PTPRM: variants seen among roughly 807,000 people sequenced by gnomAD.
PTPRM encodes the protein receptor-type tyrosine-protein phosphatase mu.
In PTPRM, 47 loss-of-function variants were observed where a neutral mutation model predicts 186.7. The observed-to-expected ratio is 0.25, with a 90% CI of 0.20 to 0.32. PTPRM has a LOEUF of 0.32. PTPRM is among the 10% of genes least tolerant of loss of function. The pLI, the probability that PTPRM is intolerant of heterozygous loss-of-function variation, is 1.00. For missense variants in PTPRM, 1,494 were observed against 1,865.0 expected, an observed-to-expected ratio of 0.80 and a Z score of 3.66; for synonymous variants, 668 against 674.9, an observed-to-expected ratio of 0.99 and a Z score of 0.16.
chr18:7,608,129 G>T (rs900527098), intron 1 of PTPRM, among the ~76,000 whole-genome samples: 1 of 152,198 alleles, frequency 6.6e-6, no homozygotes, highest in Non-Finnish European at 1.5e-5. Context: ...CACATCAAAG[G>T]AACGAACAAC....
intron 7 of PTPRM, among the ~76,000 whole-genome samples, chr18:7,983,219 G>A (rs1008064776): frequency 1.3e-5 from 2 of 151,994 alleles, no homozygotes; most frequent in Admixed American, 6.6e-5. Flanking sequence ...GATCAGCAGC[G>A]GCCATTAGAT....
Position 8,244,071 on chromosome 18 carries a change from A to G in PTPRM, c.2314A>G (p.Lys772Glu). ...CTTTATCCTAAGGAAACTGGCCAAG[A>G]AGCGGAAAGAGACCATGAGCAGCAC... ...LVMKKRKLAKKRKETMSSTRQ... is the reference protein window; with the variant it reads ...LVMKKRKLAKERKETMSSTRQ... The change falls in exon 15 of 33, where the codon AAG becomes GAG. Residue 772 changes from lysine to glutamate, a missense_variant. Transcript: ENST00000580170. 6.2e-7 allele frequency: 1 copy of G among 1,608,978 alleles called. No individual in the cohort carries two copies. Among genetic ancestry groups the G allele is most frequent in the South Asian group, 1.1e-5 (1 of 89,676 alleles).
chr18:8,044,408 G>A (rs976148318), intron 7 of PTPRM, among the ~76,000 whole-genome samples: 1 of 152,306 alleles, frequency 6.6e-6, no homozygotes, highest in Non-Finnish European at 1.5e-5. Flanking sequence ...GGATCATCTA[G>A]TGAATGGAGG....
intron 14 of PTPRM, among the ~76,000 whole-genome samples, chr18:8,181,554 C>T (rs1432292709): frequency 1.3e-5 from 2 of 152,232 alleles, no homozygotes; most frequent in Admixed American, 1.3e-4. Flanking sequence ...ACGGACCAAA[C>T]AAATGACCAA....
chr18:8,252,291 A>G (rs2094534930), intron 17 of PTPRM, among the ~76,000 whole-genome samples, 197 bp from the exon 18 acceptor site: 1 of 152,252 alleles, frequency 6.6e-6, no homozygotes. Context: ...GTTATGGAGT[A>G]CTTAAATTCA....
chr18:8,138,997 T>C (rs1474397122), intron 13 of PTPRM, among the ~76,000 whole-genome samples: 1 of 152,142 alleles, frequency 6.6e-6, no homozygotes, highest in Non-Finnish European at 1.5e-5. Flanking sequence ...ACTTCCTAAG[T>C]GTCCCCCGGC....
At chr18:7,648,149 C>A (rs1300750207) in intron 1 of PTPRM, among the ~76,000 whole-genome samples, 1 of 152,032 alleles carries the variant, frequency 6.6e-6, no homozygotes, top group Non-Finnish European at 1.5e-5. Flanking sequence ...TTACGGTGAT[C>A]TGTGATTAGT....
intron 2 of PTPRM, among the ~76,000 whole-genome samples, chr18:7,794,916 G>A (rs1420026244): frequency 6.6e-6 from 1 of 152,172 alleles, no homozygotes; most frequent in Middle Eastern, 3.2e-3. Context: ...AGTTGTGGCT[G>A]TCAGCTCCCT....
intron 7 of PTPRM, among the ~76,000 whole-genome samples, chr18:7,989,984 A>G (rs934845915): frequency 2.6e-5 from 4 of 151,910 alleles, no homozygotes; most frequent in Admixed American, 1.3e-4. Flanking sequence ...GCTCACTGTA[A>G]CCTCCGCCTC....
intron 1 of PTPRM, among the ~76,000 whole-genome samples, chr18:7,570,526 A>G (rs1000540333): frequency 1.3e-5 from 2 of 152,226 alleles, no homozygotes; most frequent in African/African-American, 4.8e-5. Context: ...GAGAATCTTG[A>G]TCATTTGCAC....
At chr18:7,738,826 A>G (rs1043875247) in intron 1 of PTPRM, among the ~76,000 whole-genome samples, 1 of 152,152 alleles carries the variant, frequency 6.6e-6, no homozygotes, top group African/African-American at 2.4e-5. Flanking sequence ...CTGTTGGCCA[A>G]TGCCGGCTGC....
chr18:7,985,897 G>A (rs1175861898), intron 7 of PTPRM, among the ~76,000 whole-genome samples: 3 of 152,012 alleles, frequency 2.0e-5, no homozygotes, highest in African/African-American at 7.3e-5. Context: ...CAGGGGATAG[G>A]TGGACTCTAG....
Position 8,394,600 on chromosome 18 carries a change from G to A in PTPRM, c.4333G>A (p.Val1445Ile), listed in dbSNP as rs1240253876. 6.2e-7 allele frequency: 1 copy of A among 1,610,168 alleles called. No individual in the cohort carries two copies. Among genetic ancestry groups the A allele is most frequent in the Admixed American group, 1.7e-5 (1 of 59,624 alleles). ...ACTGAGGAACAACAAGCCCAACATG[G>A]TCGACCTCCTGGTAGGACACCCCCT... Reference protein sequence around the residue: ...KTLRNNKPNMVDLLDQYKFCY... With the variant: ...KTLRNNKPNMIDLLDQYKFCY... Residue 1445 changes from valine to isoleucine, a missense_variant, in exon 32 of 33, where the codon GTC (valine) becomes ATC (isoleucine). Physicochemically the swap from Val to Ile is conservative, Grantham distance 29 (BLOSUM62 3). Coordinates refer to ENST00000580170, the MANE Select transcript of PTPRM (RefSeq NM_001105244.2).
intron 22 of PTPRM, among the ~76,000 whole-genome samples, chr18:8,338,416 A>G (rs2095453518): frequency 6.6e-6 from 1 of 151,144 alleles, no homozygotes; most frequent in African/African-American, 2.4e-5. Flanking sequence ...TGTGGTTAAT[A>G]TGGGTTCTCT....
chr18:8,137,661 A>C (rs2092668172), intron 13 of PTPRM, among the ~76,000 whole-genome samples: 3 of 152,128 alleles, frequency 2.0e-5, no homozygotes, highest in Admixed American at 6.5e-5. Flanking sequence ...ATAAAGCCTC[A>C]GTTCCAAATC....
At chr18:7,828,035 C>T (rs760646116) in intron 2 of PTPRM, among the ~76,000 whole-genome samples, 9 of 151,962 alleles carry the variant, frequency 5.9e-5, no homozygotes, top group Non-Finnish European at 8.8e-5. Flanking sequence ...GCTGATAATC[C>T]GAATCATTTG....
chr18:7,697,590 G>C (rs1290096983), intron 1 of PTPRM, among the ~76,000 whole-genome samples: 1 of 152,348 alleles, frequency 6.6e-6, no homozygotes, highest in East Asian at 1.9e-4. Context: ...TTCCTTAGAA[G>C]ACATCTCAAT....
intron 7 of PTPRM, among the ~76,000 whole-genome samples, chr18:8,028,073 G>A (rs541807933): frequency 6.6e-6 from 1 of 152,224 alleles, no homozygotes; most frequent in African/African-American, 2.4e-5. Flanking sequence ...AACAATCTGG[G>A]TTCACAACAA....
At chr18:7,896,765 C>T (rs2049382556) in intron 3 of PTPRM, among the ~76,000 whole-genome samples, 1 of 152,186 alleles carries the variant, frequency 6.6e-6, no homozygotes, top group Non-Finnish European at 1.5e-5. Flanking sequence ...CTCAAAGGAA[C>T]TTGTACTGGG....
Sources: allele counts gnomAD v4.1 joint callset (sites outside exome capture counted in the v4.1 genomes callset), GRCh38; gene constraint gnomAD v4.1.1; transcripts MANE v1.5; gene names NCBI Gene and HGNC (gene_info 2026-07-23, HGNC 2026-07-21).